The following PAK5 variants were observed in gnomAD, a reference collection of about 807,000 sequenced individuals.
PAK5 encodes the protein serine/threonine-protein kinase PAK 5.
A neutral mutation model predicts 65.9 loss-of-function variants in PAK5; 16 were observed. The observed-to-expected ratio is 0.24, with a 90% CI of 0.16 to 0.37. PAK5 has a LOEUF of 0.37. Among genes scored for constraint, PAK5 ranks in the 10% least tolerant of loss-of-function variants. The pLI, the probability that PAK5 is intolerant of heterozygous loss-of-function variation, is 1.00. For synonymous variants in PAK5, 371 were observed against 354.9 expected (o/e 1.05, Z -0.51); for missense variants, 785 against 903.9 (o/e 0.87, Z 1.69).
chr20:9,583,675 T>G (rs780949947), intron 3 of PAK5, among the ~76,000 whole-genome samples: 7 of 152,270 alleles, frequency 4.6e-5, no homozygotes, highest in Non-Finnish European at 7.3e-5. Flanking sequence ...GCTGCAAAGC[T>G]CTATGGGTAT....
intron 4 of PAK5, among the ~76,000 whole-genome samples, chr20:9,571,232 G>C (rs1158045402): frequency 6.6e-6 from 1 of 152,234 alleles, no homozygotes; most frequent in Non-Finnish European, 1.5e-5. Context: ...ATGCATGGGT[G>C]ACCCCATTTG....
intron 7 of PAK5, among the ~76,000 whole-genome samples, chr20:9,549,250 T>G (rs981791102): frequency 6.6e-6 from 1 of 152,078 alleles, no homozygotes; most frequent in African/African-American, 2.4e-5. Flanking sequence ...AAGCAGATGG[T>G]GGTGGGCTTT....
intron 1 of PAK5, among the ~76,000 whole-genome samples, chr20:9,785,101 TTTA>T (rs1387167866): frequency 1.3e-5 from 2 of 152,150 alleles, no homozygotes; most frequent in Admixed American, 6.6e-5. Context: ...AAGTTAAAAC[TTTA>T]ATCAAATATC....
intron 2 of PAK5, among the ~76,000 whole-genome samples, chr20:9,645,540 T>G (rs1303872651): frequency 1.3e-5 from 2 of 152,242 alleles, no homozygotes; most frequent in East Asian, 3.8e-4. Flanking sequence ...GAGGAAGACT[T>G]ATCTCAGCCC....
chr20:9,756,383 G>A (rs2048634445), intron 1 of PAK5, among the ~76,000 whole-genome samples: 1 of 151,994 alleles, frequency 6.6e-6, no homozygotes, highest in South Asian at 2.1e-4. Flanking sequence ...GAGGGTAATT[G>A]GGACACATGC....
chr20:9,676,140 GA>G (rs2047568484), intron 2 of PAK5, among the ~76,000 whole-genome samples: 1 of 151,944 alleles, frequency 6.6e-6, no homozygotes, highest in African/African-American at 2.4e-5. Context: ...GCATGTGCAG[GA>G]AAACTCCCCC....
At chr20:9,813,962 CA>C (rs2049327196) in intron 1 of PAK5, among the ~76,000 whole-genome samples, 1 of 152,038 alleles carries the variant, frequency 6.6e-6, no homozygotes. Flanking sequence ...AAAATGAACC[CA>C]TATGATAGGA....
intron 3 of PAK5, among the ~76,000 whole-genome samples, chr20:9,593,560 C>CT (rs1435825270): frequency 6.6e-6 from 1 of 152,122 alleles, no homozygotes; most frequent in Non-Finnish European, 1.5e-5. Context: ...TCCCAGTGCT[C>CT]TCCCTCCTCT....
At chr20:9,604,683 G>T (rs1225947534) in intron 3 of PAK5, among the ~76,000 whole-genome samples, 2 of 152,182 alleles carry the variant, frequency 1.3e-5, no homozygotes, top group Non-Finnish European at 2.9e-5. Flanking sequence ...AGTCCCTCCA[G>T]CTTGATCTGC....
At position 9,538,407 on chromosome 20, in the gene PAK5, G is replaced by C; in HGVS notation, c.*1055C>G. 4.3e-6 allele frequency: 1 copy of C among 233,602 alleles called. No homozygotes were observed. The allele number at this position is 233,602 out of a possible 1,614,324, so 14.5% of individuals were successfully genotyped here. A position where few individuals can be genotyped will look rare whatever the true frequency, so the allele number is the denominator to read the frequency against. On this transcript the variant is annotated 3_prime_UTR_variant, in exon 10 of 10. Coordinates refer to ENST00000353224, the MANE Select transcript of PAK5 (RefSeq NM_177990.4). Reference sequence around the variant, plus strand: ...AGAGTTTGGTGTGCTAGCATACAGAGTTTTAAAAATGGTGACAAATGAAAC... The same window carrying C: ...AGAGTTTGGTGTGCTAGCATACAGACTTTTAAAAATGGTGACAAATGAAAC...
In PAK5 at chr20:9,740,699, G is replaced by A. The variant is rs549076968; in HGVS notation, c.-161-29264C>T. On this transcript the variant is annotated intron_variant, in intron 1 of 9. Coordinates refer to ENST00000353224, the MANE Select transcript of PAK5 (RefSeq NM_177990.4). ...TTCGAGTTGCCCCAGTCTTTTGAGC[G>A]GAGGCCAGCCTCAATCAGCCAACAG... is the stretch of plus-strand genomic sequence containing the variant. Among the ~76,000 whole-genome samples, 11 of 152,286 alleles carry A rather than the reference G, an allele frequency of 7.2e-5. No individual in the cohort carries two copies. In the East Asian group the frequency reaches 1.4e-3, roughly 19 times the overall value.
intron 1 of PAK5, among the ~76,000 whole-genome samples, chr20:9,735,149 G>A (rs1421083283): frequency 6.6e-6 from 1 of 152,088 alleles, no homozygotes; most frequent in East Asian, 1.9e-4. Context: ...CCAGGATGTG[G>A]TGCAGGGAGG....
chr20:9,823,816 T>TGG (rs34369881), intron 1 of PAK5, among the ~76,000 whole-genome samples: 14 of 151,890 alleles, frequency 9.2e-5, no homozygotes, highest in Admixed American at 2.6e-4. Context: ...GGTCTGTTTC[T>TGG]GGGGGGGAAA....
chr20:9,766,694 A>C (rs768306684), intron 1 of PAK5, among the ~76,000 whole-genome samples: 6 of 151,528 alleles, frequency 4.0e-5, no homozygotes, highest in Non-Finnish European at 8.8e-5. Context: ...AAAGTTCAAA[A>C]GGTTAAAATA....
At chr20:9,786,668 C>T (rs1272219039) in intron 1 of PAK5, among the ~76,000 whole-genome samples, 41 of 152,126 alleles carry the variant, frequency 2.7e-4, no homozygotes, top group African/African-American at 9.6e-4. Context: ...TTTAAATATA[C>T]TCTAAGATAC....
In PAK5 at chr20:9,565,401, C is replaced by A. The variant is rs146727986; in HGVS notation, c.1482+492G>T. Among the ~76,000 whole-genome samples the A allele has an allele frequency of 6.6e-5, 10 of 152,158 alleles. No homozygotes were observed. In the East Asian group the frequency reaches 1.9e-3, roughly 29 times the overall value. ...TTTAAAGTTCCTAAAGGGTGATAGTCCATTGGTAAACTGACCCTGGTCTAC... is the reference window on the plus strand; with the variant it reads ...TTTAAAGTTCCTAAAGGGTGATAGTACATTGGTAAACTGACCCTGGTCTAC... On this transcript the variant is annotated intron_variant, in intron 5 of 9. Transcript: ENST00000353224.
chr20:9,691,750 T>G (rs1210888262), intron 2 of PAK5, among the ~76,000 whole-genome samples: 3 of 152,222 alleles, frequency 2.0e-5, no homozygotes, highest in African/African-American at 7.2e-5. Flanking sequence ...ATTCTTTATA[T>G]CTAAACAATA....
chr20:9,757,916 G>A (rs1046412475), intron 1 of PAK5, among the ~76,000 whole-genome samples: 2 of 152,080 alleles, frequency 1.3e-5, no homozygotes, highest in African/African-American at 2.4e-5. Flanking sequence ...TGTTTTAGAC[G>A]CCAAGCCTCA....
intron 1 of PAK5, among the ~76,000 whole-genome samples, chr20:9,732,649 T>C (rs1197211904): frequency 6.6e-6 from 1 of 151,270 alleles, no homozygotes; most frequent in Non-Finnish European, 1.5e-5. Flanking sequence ...CCCACACACT[T>C]CCCTTTCCTA....
Sources: gnomAD v4.1 joint callset for allele counts (sites outside exome capture counted in the v4.1 genomes callset) on GRCh38, gnomAD v4.1.1 for gene constraint, MANE v1.5 for transcripts, NCBI Gene and HGNC (gene_info 2026-07-23, HGNC 2026-07-21) for gene names.